The following RGS17 variants were observed in gnomAD, a reference collection of about 807,000 sequenced individuals.
RGS17 encodes the protein regulator of G protein signaling 17.
A neutral mutation model predicts 25.5 loss-of-function variants in RGS17; 12 were observed. That is an observed-to-expected ratio of 0.47 (90% CI 0.30 to 0.76). The LOEUF is 0.76. Ranked by LOEUF, RGS17 falls within the 30% of genes least tolerant of loss-of-function variation. The pLI, the probability that RGS17 is intolerant of heterozygous loss-of-function variation, is 0.07. For synonymous variants in RGS17, 71 were observed against 76.9 expected (o/e 0.92, Z 0.40); for missense variants, 196 against 242.2 (o/e 0.81, Z 1.27).
At chr6:153,064,276 T>C (rs1390987648) in intron 1 of RGS17, among the ~76,000 whole-genome samples, 1 of 152,012 alleles carries the variant, frequency 6.6e-6, no homozygotes, top group Non-Finnish European at 1.5e-5. Flanking sequence ...AATAATAACT[T>C]CAACAACTTT....
intron 1 of RGS17, among the ~76,000 whole-genome samples, chr6:153,101,137 A>C (rs1247925488): frequency 1.3e-5 from 2 of 152,238 alleles, no homozygotes; most frequent in Admixed American, 1.3e-4. Flanking sequence ...CCATGTTCCA[A>C]GCAACGGAAT....
chr6:153,081,434 C>T (rs1490067732), intron 1 of RGS17, among the ~76,000 whole-genome samples: 1 of 151,974 alleles, frequency 6.6e-6, no homozygotes, highest in Non-Finnish European at 1.5e-5. Context: ...TTTGTTTATC[C>T]TTTTAATCTT....
intron 1 of RGS17, among the ~76,000 whole-genome samples, chr6:153,052,394 C>T (rs1448043273): frequency 6.6e-6 from 1 of 152,108 alleles, no homozygotes; most frequent in Admixed American, 6.5e-5. Context: ...TTTCCTATTC[C>T]TTTGCTTCTG....
At chr6:153,102,241 C>T (rs1314326217) in intron 1 of RGS17, among the ~76,000 whole-genome samples, 1 of 152,208 alleles carries the variant, frequency 6.6e-6, no homozygotes, top group Non-Finnish European at 1.5e-5. Context: ...CACACTTTGT[C>T]TCTAGTTTTT....
chr6:153,013,270 G>A (rs565129575), intron 4 of RGS17, among the ~76,000 whole-genome samples: 8 of 152,224 alleles, frequency 5.3e-5, no homozygotes, highest in African/African-American at 1.7e-4. Flanking sequence ...GACCTTCGAT[G>A]TTACTCTTGC....
At chr6:153,071,148 G>T (rs1228995496) in intron 1 of RGS17, among the ~76,000 whole-genome samples, 2 of 148,050 alleles carry the variant, frequency 1.4e-5, no homozygotes, top group Admixed American at 1.3e-4. Context: ...GTACATATGT[G>T]TATATGTACA....
In RGS17 at chr6:153,043,734, A is replaced by G. The variant is rs138418404; in HGVS notation, c.119+166T>C. Among the ~76,000 whole-genome samples, 219 of 152,256 alleles carry G rather than the reference A, an allele frequency of 1.4e-3. 1 individual carries two copies. The highest frequency in any genetic ancestry group is 5.0e-3 in the African/African-American group (208 of 41,554). On this transcript the variant is annotated intron_variant, in intron 2 of 4. Coordinates refer to ENST00000206262, the MANE Select transcript of RGS17 (RefSeq NM_012419.5). ...GGAAATATTATATATTTTGTTTGTG[A>G]AAGTATTTGCATTAAACCAATGATA... is the stretch of plus-strand genomic sequence containing the variant.
chr6:153,026,226 G>A lies in RGS17; in HGVS notation c.209+228C>T, dbSNP rs577838874. Among the ~76,000 whole-genome samples the A allele has an allele frequency of 4.6e-5, 7 of 152,162 alleles. No homozygotes were observed. In the South Asian group the frequency reaches 6.2e-4, roughly 14 times the overall value. On this transcript the variant is annotated intron_variant, in intron 3 of 4. Coordinates refer to ENST00000206262, the MANE Select transcript of RGS17 (RefSeq NM_012419.5). ...AGACAATCTTTATTTTTTTTAAAGA[G>A]AAAAGTAAATTTAGATCATGTTTTA...
intron 1 of RGS17, among the ~76,000 whole-genome samples, chr6:153,115,475 A>G (rs1777530735): frequency 1.3e-5 from 2 of 152,212 alleles, no homozygotes; most frequent in African/African-American, 2.4e-5. Flanking sequence ...GGAAAAATCA[A>G]TATCGTGAAA....
In RGS17 at chr6:153,130,251, A is replaced by C. The variant is rs1468807961; in HGVS notation, c.-26+873T>G. Among the ~76,000 whole-genome samples the C allele has an allele frequency of 6.6e-6, 1 of 152,146 alleles. No homozygotes were observed. The highest frequency in any genetic ancestry group is 1.5e-5 in the Non-Finnish European group (1 of 68,032). On this transcript the variant is annotated intron_variant, in intron 1 of 4. Transcript: ENST00000206262. This position sits in a 1 kb window ranked among gnomAD's most constrained non-coding sequence, Gnocchi z 6.4. ...AGCAGGGAGGCTGGCGGGGAGGCAG[A>C]GATTAAACTATGATTCCATCGATCA...
intron 1 of RGS17, among the ~76,000 whole-genome samples, chr6:153,054,815 C>T (rs1776532124): frequency 6.6e-6 from 1 of 152,060 alleles, no homozygotes; most frequent in Non-Finnish European, 1.5e-5. Flanking sequence ...TAATCATCTT[C>T]CTTCTGGAAA....
rs200477920 is a variant in RGS17 at position 153,023,083 on chromosome 6, T to TA, written c.444+1178dup. Among the ~76,000 whole-genome samples the TA allele has an allele frequency of 8.5e-3, 1,288 of 152,044 alleles. 17 individuals carry two copies. The highest frequency in any genetic ancestry group is 0.029 in the African/African-American group (1,214 of 41,492). On this transcript the variant is annotated intron_variant, in intron 4 of 4. Coordinates refer to ENST00000206262, the MANE Select transcript of RGS17 (RefSeq NM_012419.5). ...CCAATGGCATTTTAACCTAACTAAT[T>TA]AAAAAAAACTATATAACTTAGGTAC...
At chr6:153,029,970 A>T (rs1779344244) in intron 2 of RGS17, among the ~76,000 whole-genome samples, 2 of 152,232 alleles carry the variant, frequency 1.3e-5, no homozygotes, top group South Asian at 2.1e-4. Context: ...TTTTTAAGCA[A>T]TAAAAGCCAC....
chr6:153,025,324 AG>A (rs928486851), intron 3 of RGS17, among the ~76,000 whole-genome samples: 1 of 151,784 alleles, frequency 6.6e-6, no homozygotes, highest in African/African-American at 2.4e-5. Flanking sequence ...AAAAAAAAAA[AG>A]GTTTTTTTCC....
At chr6:153,015,479 G>A (rs369789867) in intron 4 of RGS17, among the ~76,000 whole-genome samples, 5 of 152,084 alleles carry the variant, frequency 3.3e-5, no homozygotes, top group Non-Finnish European at 7.4e-5. Context: ...CATCAATGTC[G>A]AAGCAAGACC....
intron 4 of RGS17, among the ~76,000 whole-genome samples, chr6:153,013,674 G>T (rs1779155985): frequency 6.6e-6 from 1 of 152,198 alleles, no homozygotes; most frequent in Non-Finnish European, 1.5e-5. Context: ...GTGAACATGT[G>T]AATAAGAAAG....
chr6:153,077,774 C>T (rs1452224616), intron 1 of RGS17, among the ~76,000 whole-genome samples: 1 of 152,082 alleles, frequency 6.6e-6, no homozygotes, highest in African/African-American at 2.4e-5. Flanking sequence ...TAATTTTTTT[C>T]TCTCATGGCT....
chr6:153,056,701 A>T (rs1348931453), intron 1 of RGS17, among the ~76,000 whole-genome samples: 1 of 152,156 alleles, frequency 6.6e-6, no homozygotes, highest in Non-Finnish European at 1.5e-5. Context: ...GAGTGAGATG[A>T]TGAATCCCTA....
At chr6:153,027,733 T>C (rs1278688345) in intron 2 of RGS17, among the ~76,000 whole-genome samples, 3 of 152,094 alleles carry the variant, frequency 2.0e-5, no homozygotes, top group Non-Finnish European at 2.9e-5. Flanking sequence ...ATAGTTGGAA[T>C]TGGAAGCCTA....
Sources: allele counts gnomAD v4.1 joint callset (sites outside exome capture counted in the v4.1 genomes callset), GRCh38; gene constraint gnomAD v4.1.1; non-coding constraint Gnocchi (gnomAD v3.1); transcripts MANE v1.5; gene names NCBI Gene and HGNC (gene_info 2026-07-23, HGNC 2026-07-21).